The following REDIC1 variants were observed in gnomAD, a reference collection of about 807,000 sequenced individuals.
REDIC1 encodes the protein regulator of DNA class I crossover intermediates 1, also known as HEI10 Interacting Protein 1.
chr12:39,885,142 A>C, the REDIC1 span, among the ~76,000 whole-genome samples: 1 of 152,208 alleles, frequency 6.6e-6, no homozygotes, highest in Admixed American at 6.5e-5. Context: ...TGTGCACTGC[A>C]GCTCATGAGG....
chr12:39,864,665 C>T, the REDIC1 span: 288 of 1,479,738 alleles, frequency 1.9e-4, 1 homozygote, highest in African/African-American at 3.5e-3. Context: ...GGATGCCCAG[C>T]AAGCTCCTAC....
chr12:39,653,514 T>TCTTCTA, the REDIC1 span, among the ~76,000 whole-genome samples: 1 of 54,290 alleles, frequency 1.8e-5, no homozygotes, highest in African/African-American at 5.7e-5. Context: ...TTCTTCTTCT[T>TCTTCTA]CTTCTTCTTC....
the REDIC1 span, chr12:39,650,127 C>T: frequency 8.7e-7 from 1 of 1,145,348 alleles, no homozygotes; most frequent in East Asian, 3.1e-5. The surrounding 1 kb of genome is among the most constrained non-coding windows in gnomAD (Gnocchi z 4.3). Flanking sequence ...ACTATTTTTA[C>T]AATTTTAAAA....
At chr12:39,841,001 C>T in the REDIC1 span, among the ~76,000 whole-genome samples, 4 of 152,118 alleles carry the variant, frequency 2.6e-5, no homozygotes, top group Non-Finnish European at 5.9e-5. Context: ...GCTTGAATCA[C>T]ACCATGAATT....
chr12:39,901,447 C>A, the REDIC1 span, among the ~76,000 whole-genome samples: 1 of 144,122 alleles, frequency 6.9e-6, no homozygotes, highest in Non-Finnish European at 1.5e-5. Context: ...ACTCATCTGA[C>A]AAAGGGCTAA....
chr12:39,737,800 G>T, the REDIC1 span, among the ~76,000 whole-genome samples: 145 of 152,222 alleles, frequency 9.5e-4, 2 homozygotes, highest in African/African-American at 3.2e-3. Context: ...CATTGACTTT[G>T]CCTACACCAT....
chr12:39,723,705 A>T, the REDIC1 span, among the ~76,000 whole-genome samples: 1 of 151,988 alleles, frequency 6.6e-6, no homozygotes, highest in Non-Finnish European at 1.5e-5. Flanking sequence ...TTCAGATAAG[A>T]TACTATACAT....
At chr12:39,711,956 T>C in the REDIC1 span, among the ~76,000 whole-genome samples, 1 of 130,294 alleles carries the variant, frequency 7.7e-6, no homozygotes, top group Admixed American at 7.4e-5. Context: ...TATACATACA[T>C]ATATATCTAT....
the REDIC1 span, among the ~76,000 whole-genome samples, chr12:39,634,066 T>G: frequency 6.6e-6 from 1 of 152,200 alleles, no homozygotes; most frequent in African/African-American, 2.4e-5. Flanking sequence ...TCCAGGAGCT[T>G]GGAAGGTTCT....
chr12:39,664,495 T>C, the REDIC1 span, among the ~76,000 whole-genome samples: 45 of 152,344 alleles, frequency 3.0e-4, no homozygotes, highest in African/African-American at 9.1e-4. Context: ...TTTGGGTTGG[T>C]TCCACGTCTT....
At chr12:39,709,914 G>T in the REDIC1 span, among the ~76,000 whole-genome samples, 2 of 151,678 alleles carry the variant, frequency 1.3e-5, no homozygotes, top group African/African-American at 4.8e-5. Flanking sequence ...TTCTGTAGTT[G>T]CTGCACCATT....
chr12:39,684,168 A>G, the REDIC1 span: 17 of 1,028,334 alleles, frequency 1.7e-5, no homozygotes, highest in African/African-American at 3.4e-5. Context: ...ACACTCATCC[A>G]TTATGTGTTG....
the REDIC1 span, among the ~76,000 whole-genome samples, chr12:39,841,892 T>G: frequency 1.3e-5 from 2 of 152,170 alleles, no homozygotes; most frequent in Non-Finnish European, 2.9e-5. Context: ...GCTATGAAGA[T>G]TTTTGAGGGT....
chr12:39,822,102 A>C, the REDIC1 span, among the ~76,000 whole-genome samples: 2 of 122,118 alleles, frequency 1.6e-5, no homozygotes, highest in Non-Finnish European at 3.2e-5. Context: ...CCAGAGTGTG[A>C]TGTTCCCCTT....
the REDIC1 span, among the ~76,000 whole-genome samples, chr12:39,849,889 T>C: frequency 6.6e-6 from 1 of 152,204 alleles, no homozygotes; most frequent in East Asian, 1.9e-4. Flanking sequence ...TGTTGTTGTT[T>C]TTTAAAATAC....
chr12:39,670,938 G>T, the REDIC1 span, among the ~76,000 whole-genome samples: 131,243 of 152,050 alleles, frequency 0.86, 56,903 homozygotes, highest in African/African-American at 0.92. Context: ...TTCTAAATTG[G>T]TTTGCTGATT....
At chr12:39,686,794 GT>G in the REDIC1 span, among the ~76,000 whole-genome samples, 1 of 152,132 alleles carries the variant, frequency 6.6e-6, no homozygotes, top group Non-Finnish European at 1.5e-5. Flanking sequence ...ATAAGTTCCA[GT>G]TTTATATCAT....
chr12:39,835,948 G>A, the REDIC1 span, among the ~76,000 whole-genome samples: 6 of 152,082 alleles, frequency 3.9e-5, no homozygotes, highest in East Asian at 1.9e-4. Context: ...AAATTGCCAC[G>A]TGGTGAAAGC....
chr12:39,752,753 T>G, the REDIC1 span, among the ~76,000 whole-genome samples: 1 of 152,122 alleles, frequency 6.6e-6, no homozygotes, highest in Non-Finnish European at 1.5e-5. Flanking sequence ...GAGGTGGAAA[T>G]AAGACAGTTT....
Sources: allele counts gnomAD v4.1 joint callset (sites outside exome capture counted in the v4.1 genomes callset), GRCh38; gene constraint gnomAD v4.1.1; non-coding constraint Gnocchi (gnomAD v3.1); transcripts MANE v1.5; gene names NCBI Gene and HGNC (gene_info 2026-07-23, HGNC 2026-07-21).